The following EPHA6 variants were observed in gnomAD, a reference collection of about 807,000 sequenced individuals.
EPHA6 encodes ephrin type-A receptor 6.
Under a neutral mutation model 112.0 loss-of-function variants are expected in EPHA6, and 50 were observed. The ratio of observed to expected loss-of-function variants is 0.45; its 90% confidence interval spans 0.36 to 0.56. The LOEUF is 0.56. EPHA6 is among the 20% of genes least tolerant of loss of function. The pLI, the probability that EPHA6 is intolerant of heterozygous loss-of-function variation, is 0.00. For synonymous variants in EPHA6, 529 were observed against 490.7 expected (o/e 1.08, Z -1.03); for missense variants, 1,280 against 1,417.4 (o/e 0.90, Z 1.56).
intron 3 of EPHA6, among the ~76,000 whole-genome samples, chr3:97,130,125 C>G (rs1431797099): frequency 6.6e-6 from 1 of 151,918 alleles, no homozygotes; most frequent in Non-Finnish European, 1.5e-5. Context: ...AATTATTTCT[C>G]TTTTTCTCGG....
rs377204818 is a variant in EPHA6 at position 97,451,871 on chromosome 3, T to G, written c.1894+3141T>G. ...TTAAGTTCTCTCTTGTGTATTCCAC[T>G]TAATTGACTAACTTTATAATACATT... is the stretch of plus-strand genomic sequence containing the variant. On this transcript the variant is annotated intron_variant, in intron 7 of 17. Transcript: ENST00000389672. 1.3e-4 allele frequency among the ~76,000 whole-genome samples: 20 copies of G among 152,024 alleles called. No individual in the cohort carries two copies. In the South Asian group the frequency reaches 3.7e-3, roughly 28 times the overall value.
chr3:96,895,156 C>A lies in EPHA6; in HGVS notation c.450+28267C>A, dbSNP rs575264323. Among the ~76,000 whole-genome samples, 3 of 152,118 alleles carry A rather than the reference C, an allele frequency of 2.0e-5. No homozygotes were observed. In the South Asian group the frequency reaches 6.2e-4, roughly 32 times the overall value. Reference sequence around the variant, plus strand: ...AATGGCAGTTTCATGCCTGCTTTTGCCCCTGAAGACCTTTCAGTGGGACAG... The same window carrying A: ...AATGGCAGTTTCATGCCTGCTTTTGACCCTGAAGACCTTTCAGTGGGACAG... On this transcript the variant is annotated intron_variant, in intron 2 of 17. Coordinates refer to ENST00000389672, the MANE Select transcript of EPHA6 (RefSeq NM_001080448.3).
chr3:97,445,721 A>G (rs1365780526), intron 6 of EPHA6, among the ~76,000 whole-genome samples: 1 of 151,912 alleles, frequency 6.6e-6, no homozygotes, highest in African/African-American at 2.4e-5. Flanking sequence ...AATAGAGGGG[A>G]AAAAGCCAAA....
chr3:97,724,983 C>T (rs2034695844), intron 15 of EPHA6, among the ~76,000 whole-genome samples: 1 of 152,018 alleles, frequency 6.6e-6, no homozygotes, highest in African/African-American at 2.4e-5. Flanking sequence ...AGAAAGCTTG[C>T]AGGCCCTATT....
intron 5 of EPHA6, among the ~76,000 whole-genome samples, chr3:97,285,138 A>G (rs2108673692): frequency 6.6e-6 from 1 of 152,260 alleles, no homozygotes; most frequent in East Asian, 1.9e-4. Context: ...TCTTTTAAAG[A>G]TAAATTTAAG....
intron 13 of EPHA6, among the ~76,000 whole-genome samples, chr3:97,633,429 T>G (rs969507689): frequency 1.3e-5 from 2 of 152,222 alleles, no homozygotes; most frequent in African/African-American, 4.8e-5. Context: ...ATTCATAGTT[T>G]CTTTTAGATT....
chr3:96,877,931 T>A (rs11715061), intron 2 of EPHA6, among the ~76,000 whole-genome samples: 91,855 of 119,708 alleles, frequency 0.77, 32,653 homozygotes, highest in Non-Finnish European at 0.83. Flanking sequence ...ATATATATAT[T>A]TTTTTTTTTT....
At chr3:97,251,597 G>T (rs1327959876) in intron 5 of EPHA6, among the ~76,000 whole-genome samples, 1 of 152,126 alleles carries the variant, frequency 6.6e-6, no homozygotes, top group Non-Finnish European at 1.5e-5. Context: ...TTAAAAATGT[G>T]AATTTCTTCA....
At chr3:97,083,252 C>T (rs566503132) in intron 3 of EPHA6, among the ~76,000 whole-genome samples, 3 of 151,954 alleles carry the variant, frequency 2.0e-5, no homozygotes, top group Admixed American at 6.6e-5. Flanking sequence ...GCCTGGCATT[C>T]CTAATTTATA....
At chr3:96,820,509 G>A (rs1044323039) in intron 1 of EPHA6, among the ~76,000 whole-genome samples, 3 of 151,964 alleles carry the variant, frequency 2.0e-5, no homozygotes, top group Non-Finnish European at 4.4e-5. Flanking sequence ...GGAACATCTT[G>A]TCTTTATAGA....
chr3:97,217,847 T>C (rs886654853), intron 3 of EPHA6, among the ~76,000 whole-genome samples: 2 of 152,226 alleles, frequency 1.3e-5, no homozygotes, highest in Non-Finnish European at 2.9e-5. Context: ...TAAATGCTAA[T>C]CTTAGTTTGG....
At chr3:97,374,026 AT>A (rs1022056969) in intron 5 of EPHA6, among the ~76,000 whole-genome samples, 1 of 152,174 alleles carries the variant, frequency 6.6e-6, no homozygotes, top group Non-Finnish European at 1.5e-5. Context: ...AAACCAAAAT[AT>A]GTTCTCCAAT....
At chr3:97,099,311 G>GT (rs937378143) in intron 3 of EPHA6, among the ~76,000 whole-genome samples, 2 of 151,790 alleles carry the variant, frequency 1.3e-5, no homozygotes. Flanking sequence ...ATTAGGAAAT[G>GT]TTTTGTGACT....
intron 3 of EPHA6, among the ~76,000 whole-genome samples, chr3:97,050,283 A>G (rs2045644020): frequency 6.6e-6 from 1 of 152,152 alleles, no homozygotes. Context: ...ATTGTGCCCA[A>G]GAAGCCTTGA....
intron 6 of EPHA6, among the ~76,000 whole-genome samples, chr3:97,415,466 T>A (rs1340189070): frequency 1.3e-5 from 2 of 152,066 alleles, no homozygotes; most frequent in African/African-American, 4.8e-5. Flanking sequence ...GAAGACAGAC[T>A]TTATAAAATG....
At chr3:96,999,103 ATTAT>A (rs1458950585) in intron 3 of EPHA6, among the ~76,000 whole-genome samples, 1 of 151,878 alleles carries the variant, frequency 6.6e-6, no homozygotes, top group East Asian at 1.9e-4. Context: ...AATTAATCTG[ATTAT>A]TTAGTGTGTT....
At chr3:97,622,376 C>T (rs1271352835) in intron 13 of EPHA6, among the ~76,000 whole-genome samples, 2 of 151,844 alleles carry the variant, frequency 1.3e-5, no homozygotes, top group African/African-American at 4.8e-5. Flanking sequence ...GCTTATTTCA[C>T]TTAGCATAAT....
intron 3 of EPHA6, among the ~76,000 whole-genome samples, chr3:97,018,558 G>A (rs2107970621): frequency 1.3e-5 from 2 of 152,348 alleles, no homozygotes; most frequent in Middle Eastern, 6.8e-3. Flanking sequence ...CAGAGAGGGA[G>A]AGGAGACAAA....
intron 14 of EPHA6, among the ~76,000 whole-genome samples, chr3:97,641,097 C>A (rs2093999688): frequency 6.6e-6 from 1 of 152,126 alleles, no homozygotes; most frequent in East Asian, 1.9e-4. Flanking sequence ...TTAATCAAGA[C>A]AGAGAATCCC....
Sources: allele counts gnomAD v4.1 joint callset (sites outside exome capture counted in the v4.1 genomes callset), GRCh38; gene constraint gnomAD v4.1.1; transcripts MANE v1.5; gene names NCBI Gene and HGNC (gene_info 2026-07-23, HGNC 2026-07-21).